Variants in CLCA4 observed in about 807,000 individuals in gnomAD.
CLCA4 encodes calcium-activated chloride channel regulator 4.
Under a neutral mutation model 78.9 loss-of-function variants are expected in CLCA4, and 69 were observed. The ratio of observed to expected loss-of-function variants is 0.87; its 90% CI spans 0.72 to 1.07. CLCA4 has a LOEUF of 1.07. Among genes scored for constraint, CLCA4 ranks in the 50% least tolerant of loss-of-function variants. The pLI, the probability that CLCA4 is intolerant of heterozygous loss-of-function variation, is 0.00. For synonymous variants in CLCA4, 362 were observed against 375.8 expected (o/e 0.96, Z 0.42); for missense variants, 1,133 against 1,095.8 (o/e 1.03, Z -0.48).
intron 9 of CLCA4, among the ~76,000 whole-genome samples, 177 bp from the exon 10 acceptor site, chr1:86,574,363 C>T (rs913519349): frequency 2.6e-5 from 4 of 152,196 alleles, no homozygotes; most frequent in African/African-American, 7.2e-5. Context: ...AAGTCTCTTA[C>T]TTCCTCACTT....
rs1650086397 is a variant in CLCA4, at chr1:86,563,583, G to T, written c.449-78G>T. On this transcript the variant is annotated intron_variant, in intron 3 of 13. Coordinates refer to ENST00000370563, the MANE Select transcript of CLCA4 (RefSeq NM_012128.4). ...CGAAATCTAAATATATTTTATAATTGAAAGAGAAGCTTCTTAAAATATGAT... is the reference window on the plus strand; with the variant it reads ...CGAAATCTAAATATATTTTATAATTTAAAGAGAAGCTTCTTAAAATATGAT... The T allele has an allele frequency of 4.6e-6, 3 of 650,622 alleles. No homozygotes were observed. In the South Asian group the frequency reaches 8.5e-5, roughly 18 times the overall value. The allele number at this position is 650,622 out of a possible 1,614,324, so 40.3% of individuals were successfully genotyped here.
At chr1:86,553,641 G>C (rs892708447) in intron 1 of CLCA4, among the ~76,000 whole-genome samples, 23 of 152,192 alleles carry the variant, frequency 1.5e-4, no homozygotes, top group African/African-American at 4.6e-4. Context: ...CCCATAAAAA[G>C]CTTATGTGTC....
At chr1:86,553,672 C>A (rs1255656461) in intron 1 of CLCA4, among the ~76,000 whole-genome samples, 1 of 152,222 alleles carries the variant, frequency 6.6e-6, no homozygotes, top group Non-Finnish European at 1.5e-5. Context: ...TGGTGACTCA[C>A]GTCTGTAATC....
intron 1 of CLCA4, among the ~76,000 whole-genome samples, chr1:86,558,764 C>T (rs1470476619): frequency 1.3e-5 from 2 of 152,222 alleles, no homozygotes; most frequent in East Asian, 3.9e-4. Context: ...AGACCACCCC[C>T]ATGATTCAAT....
intron 1 of CLCA4, chr1:86,553,259 G>C (rs1484447055): frequency 1.1e-6 from 1 of 889,126 alleles, no homozygotes; most frequent in Non-Finnish European, 1.8e-6. Context: ...AGCTGTACGA[G>C]GACACGGTCT....
intron 1 of CLCA4, among the ~76,000 whole-genome samples, chr1:86,556,622 T>C (rs2101795341): frequency 6.6e-6 from 1 of 152,324 alleles, no homozygotes; most frequent in South Asian, 2.1e-4. Context: ...TCAATGTTCA[T>C]AAAGGATATT....
In CLCA4 at chr1:86,565,282, C is replaced by A; in HGVS notation, c.566C>A (p.Ala189Glu). 6.3e-7 allele frequency: 1 copy of A among 1,589,850 alleles called. No homozygotes were observed. The change falls in exon 5 of 14, where the codon GCA becomes GAA. Residue 189 changes from alanine (A) to glutamate (E), a missense_variant. Transcript: ENST00000370563. ...CTGTCATATATTTTCAGGTGTTCCG[C>A]AGGTATCTCTGGTAGAAATAGAGTT... ...SKKIEATRCS[A>E]GISGRNRVYK...
intron 6 of CLCA4, among the ~76,000 whole-genome samples, chr1:86,567,216 C>A (rs1650224913): frequency 6.6e-6 from 1 of 151,978 alleles, no homozygotes; most frequent in Admixed American, 6.6e-5. Context: ...TAAATAAAAA[C>A]CTGCACTCCT....
intron 7 of CLCA4, 55 bp from the exon 8 acceptor site, chr1:86,571,022 G>T (rs985237631): frequency 7.6e-7 from 1 of 1,312,370 alleles, no homozygotes; most frequent in Non-Finnish European, 1.0e-6. Context: ...TTTCCCATTT[G>T]TCTATTTGAT....
At chr1:86,555,454 G>A (rs536408336) in intron 1 of CLCA4, among the ~76,000 whole-genome samples, 1 of 152,248 alleles carries the variant, frequency 6.6e-6, no homozygotes, top group African/African-American at 2.4e-5. Context: ...GATTTAATAG[G>A]GAATCTTTTC....
chr1:86,571,440 A>T (rs1420277982), intron 8 of CLCA4, 186 bp downstream of exon 8: 1 of 515,078 alleles, frequency 1.9e-6, no homozygotes, highest in African/African-American at 1.9e-5. Flanking sequence ...TTGATGAAAT[A>T]ACATAATCAG....
rs907765160 is a variant in CLCA4 at position 86,553,548 on chromosome 1, C to G, written c.159+6270C>G. On this transcript the variant is annotated intron_variant, in intron 1 of 13. Transcript: ENST00000370563. ...CCGCTGCCGCCTGCTTCCCGCCGCT[C>G]AGGGAGGAGCGCCCGCCAGCGCGGG... is the stretch of plus-strand genomic sequence containing the variant. 2.0e-5 allele frequency among the ~76,000 whole-genome samples: 3 copies of G among 152,224 alleles called. No homozygotes were observed. The East Asian group carries it at 5.8e-4, about 29-fold the overall frequency.
At chr1:86,551,041 C>G (rs568104604) in intron 1 of CLCA4, among the ~76,000 whole-genome samples, 2 of 151,996 alleles carry the variant, frequency 1.3e-5, no homozygotes, top group South Asian at 4.2e-4. Flanking sequence ...CCGTGTTAGC[C>G]AGGATGGTCT....
rs781120173 is a variant in CLCA4 at position 86,579,594 on chromosome 1, A to T, written c.2356+7A>T. 1 of 1,377,798 alleles carries T rather than the reference A, an allele frequency of 7.3e-7. No individual in the cohort carries two copies. The highest frequency in any genetic ancestry group is 4.1e-5 in the East Asian group (1 of 24,532). 85.3% of individuals were successfully genotyped at this position (1,377,798 alleles called of 1,614,324 possible). On this transcript the variant is annotated splice_region_variant and intron_variant, in intron 13 of 13. Coordinates refer to ENST00000370563, the MANE Select transcript of CLCA4 (RefSeq NM_012128.4). ...AATTTTGATGTTGGAAAAGGTAAGG[A>T]TGAAGTGTCATGTGATTTTGACTTA...
intron 1 of CLCA4, among the ~76,000 whole-genome samples, chr1:86,552,364 G>A (rs1005189819): frequency 6.6e-6 from 1 of 152,214 alleles, no homozygotes; most frequent in African/African-American, 2.4e-5. Flanking sequence ...AGGGCTGTAA[G>A]GACGTCAGGA....
chr1:86,573,333 G>T (rs111584026), intron 9 of CLCA4, among the ~76,000 whole-genome samples: 2,784 of 151,918 alleles, frequency 0.018, 43 homozygotes, highest in Middle Eastern at 0.048. Flanking sequence ...CTGTTACTTA[G>T]ATTCAAAAAC....
At chr1:86,572,820 A>G in intron 9 of CLCA4, 100 bp downstream of exon 9, 1 of 736,988 alleles carries the variant, frequency 1.4e-6, no homozygotes, top group Non-Finnish European at 2.5e-6. Context: ...TCTCAAAGTA[A>G]ATTTTTAATT....
chr1:86,572,933 T>G, intron 9 of CLCA4: 1 of 533,468 alleles, frequency 1.9e-6, no homozygotes, highest in Non-Finnish European at 3.4e-6. Flanking sequence ...ACATACTGTT[T>G]CTTTTCCTAT....
intron 3 of CLCA4, among the ~76,000 whole-genome samples, chr1:86,562,447 G>C (rs1214839362): frequency 1.3e-5 from 2 of 152,164 alleles, no homozygotes; most frequent in Non-Finnish European, 2.9e-5. Flanking sequence ...TTAATATGCA[G>C]CTTCTGATTC....
Sources: allele counts gnomAD v4.1 joint callset (sites outside exome capture counted in the v4.1 genomes callset), GRCh38; gene constraint gnomAD v4.1.1; transcripts MANE v1.5; gene names NCBI Gene and HGNC (gene_info 2026-07-23, HGNC 2026-07-21).